The following DMD variants were observed in gnomAD, a reference collection of about 807,000 sequenced individuals.
The protein encoded by DMD is mutant dystrophin.
DMD carries 63 observed loss-of-function variants against 330.1 expected under a neutral mutation model. The observed-to-expected ratio is 0.19, with a 90% CI of 0.16 to 0.24. The LOEUF (loss-of-function observed/expected upper bound fraction) is 0.24. Among genes scored for constraint, DMD ranks in the 10% least tolerant of loss-of-function variants. The pLI is 1.00. For synonymous variants in DMD, 1,223 were observed against 959.8 expected (o/e 1.27, Z -5.07); for missense variants, 3,344 against 2,684.1 (o/e 1.25, Z -5.43).
chrX:31,380,606 A>G (rs1383478024), intron 60 of DMD, among the ~76,000 whole-genome samples: 1 of 111,283 alleles, frequency 9.0e-6, no homozygotes, highest in East Asian at 2.8e-4. Flanking sequence ...ACCTGTCCTA[A>G]AAGCAGACAA....
At chrX:31,402,869 G>A (rs1381363371) in intron 60 of DMD, among the ~76,000 whole-genome samples, 1 of 111,097 alleles carries the variant, frequency 9.0e-6, no homozygotes, top group African/African-American at 3.3e-5. Flanking sequence ...GATCGTTTCT[G>A]GCTCCAAAGA....
intron 55 of DMD, among the ~76,000 whole-genome samples, chrX:31,590,463 T>C (rs1408588980): frequency 9.0e-6 from 1 of 111,678 alleles, no homozygotes; most frequent in African/African-American, 3.2e-5. Flanking sequence ...GAAGTAACTT[T>C]TAGTATATTT....
At chrX:31,126,523 T>A in intron 78 of DMD, 119 bp downstream of exon 78, 1 of 612,205 alleles carries the variant, frequency 1.6e-6, no homozygotes, top group South Asian at 2.4e-5. Context: ...CCTTACATGA[T>A]GACACAATGT....
chrX:32,964,430 G>C (rs770267205), intron 2 of DMD, among the ~76,000 whole-genome samples: 3 of 110,437 alleles, frequency 2.7e-5, no homozygotes, highest in African/African-American at 9.9e-5. Context: ...TTTATAAGCC[G>C]GGCTCAGTGA....
chrX:33,150,144 G>A (rs1158325858), intron 1 of DMD, among the ~76,000 whole-genome samples: 1 of 110,840 alleles, frequency 9.0e-6, no homozygotes, highest in Non-Finnish European at 1.9e-5. Context: ...GAAAAGTATT[G>A]AAGGAATCCC....
intron 2 of DMD, among the ~76,000 whole-genome samples, chrX:32,919,787 G>C (rs935498930): frequency 1.8e-5 from 2 of 111,255 alleles, no homozygotes; most frequent in African/African-American, 6.5e-5. Context: ...ATGTTATATA[G>C]ACTTTGATAT....
At chrX:31,123,533 C>CAAAT (rs751208106) in intron 78 of DMD, among the ~76,000 whole-genome samples, 4 of 111,992 alleles carry the variant, frequency 3.6e-5, no homozygotes, top group Middle Eastern at 4.7e-3. Context: ...GCTCAGAGTA[C>CAAAT]AAATATATAA....
At chrX:31,435,068 CACTT>C (rs1357241007) in intron 60 of DMD, among the ~76,000 whole-genome samples, 1 of 111,594 alleles carries the variant, frequency 9.0e-6, no homozygotes, top group African/African-American at 3.3e-5. Context: ...CTGGCTCTCT[CACTT>C]ACCTGATATA....
At chrX:32,699,060 G>A (rs2063881518) in intron 8 of DMD, 52 bp downstream of exon 8, 3 of 1,073,884 alleles carry the variant, frequency 2.8e-6, no homozygotes, top group East Asian at 3.0e-5. Flanking sequence ...ACCTAAAAAT[G>A]CATATAAAAC....
chrX:32,777,953 A>C (rs1445130893), intron 7 of DMD, among the ~76,000 whole-genome samples: 6 of 112,359 alleles, frequency 5.3e-5, no homozygotes, highest in Non-Finnish European at 1.1e-4. Context: ...ACATGAGCAC[A>C]TTCATTTAAC....
Position 32,310,249 on chromosome X carries a change from C to A in DMD, c.5950G>T (p.Val1984Leu). The change falls in exon 42 of 79, where the codon GTG becomes TTG. Residue 1984 changes from valine to leucine, a missense_variant. Val to Leu is a conservative substitution (Grantham distance 32). Coordinates refer to ENST00000357033, the MANE Select transcript of DMD (RefSeq NM_004006.3). ...TCCAAAGGCATGTCTTCAGTCATCA[C>A]CATCATCGTTTCTTCACGGACAGTG... Reference protein sequence around the residue: ...IHTVREETMMVMTEDMPLEIS... With the variant: ...IHTVREETMMLMTEDMPLEIS... The A allele has an allele frequency of 3.3e-6, 4 of 1,209,021 alleles. No homozygotes were observed. The highest frequency in any genetic ancestry group is 4.5e-6 in the Non-Finnish European group (4 of 893,745).
intron 36 of DMD, among the ~76,000 whole-genome samples, chrX:32,363,713 T>G (rs770549492): frequency 1.8e-5 from 2 of 112,017 alleles, no homozygotes; most frequent in Non-Finnish European, 3.8e-5. Flanking sequence ...GAATTTATAG[T>G]TTTTCATTAA....
chrX:32,205,041 A>ACACACCCC (rs1177814403), intron 44 of DMD, among the ~76,000 whole-genome samples: 15 of 73,564 alleles, frequency 2.0e-4, no homozygotes, highest in Non-Finnish European at 3.4e-4. Flanking sequence ...ACACACACAC[A>ACACACCCC]CCCACACACA....
chrX:32,916,468 A>C (rs1178222615), intron 2 of DMD, among the ~76,000 whole-genome samples: 3 of 111,828 alleles, frequency 2.7e-5, no homozygotes, highest in Non-Finnish European at 5.6e-5. Context: ...CAATTTAAGC[A>C]ACTGTAATCC....
At chrX:32,175,148 A>T (rs1292173699) in intron 44 of DMD, among the ~76,000 whole-genome samples, 1 of 111,485 alleles carries the variant, frequency 9.0e-6, no homozygotes, top group Non-Finnish European at 1.9e-5. Context: ...TGCTCGTGAA[A>T]CTATATTCTT....
At chrX:31,317,864 C>A (rs770385563) in intron 62 of DMD, among the ~76,000 whole-genome samples, 2 of 111,899 alleles carry the variant, frequency 1.8e-5, no homozygotes, top group South Asian at 7.5e-4. Flanking sequence ...ATAATAAGAG[C>A]CCATCTCATT....
intron 53 of DMD, among the ~76,000 whole-genome samples, chrX:31,660,306 G>A (rs4829110): frequency 0.38 from 42,439 of 110,997 alleles, 6,354 homozygotes; most frequent in African/African-American, 0.53. Flanking sequence ...TCAGATCCTC[G>A]CACTATTTGA....
intron 53 of DMD, among the ~76,000 whole-genome samples, chrX:31,666,832 C>G (rs1250506097): frequency 2.7e-5 from 3 of 111,902 alleles, no homozygotes; most frequent in South Asian, 3.8e-4. Context: ...TTATGTTCCA[C>G]AGACATGGCT....
intron 1 of DMD, among the ~76,000 whole-genome samples, chrX:33,146,917 G>C (rs769053604): frequency 9.1e-6 from 1 of 110,472 alleles, no homozygotes; most frequent in Non-Finnish European, 1.9e-5. Flanking sequence ...CCGCCTCCCA[G>C]GTTCAAGCGA....
Sources: allele counts gnomAD v4.1 joint callset (sites outside exome capture counted in the v4.1 genomes callset), GRCh38; gene constraint gnomAD v4.1.1; transcripts MANE v1.5; gene names NCBI Gene and HGNC (gene_info 2026-07-23, HGNC 2026-07-21).